The following SLC15A2 variants were observed in gnomAD, a reference collection of about 807,000 sequenced individuals.
SLC15A2 encodes solute carrier family 15 member 2, also known as kidney H(+)/peptide cotransporter.
In SLC15A2, 77 loss-of-function variants were observed where a neutral mutation model predicts 95.5. The ratio of observed to expected loss-of-function variants is 0.81; its 90% CI spans 0.67 to 0.97. The LOEUF is 0.97. SLC15A2 is among the 50% of genes least tolerant of loss of function. The probability of loss-of-function intolerance (pLI) is 0.00; values close to 1 mark genes in which losing one functional copy is unlikely to be tolerated. For missense variants in SLC15A2, 893 were observed against 874.4 expected, an observed-to-expected ratio of 1.02 and a Z score of -0.27; for synonymous variants, 306 against 306.9, an observed-to-expected ratio of 1.00 and a Z score of 0.03.
chr3:121,904,162 G>T (rs1709582036), intron 3 of SLC15A2, among the ~76,000 whole-genome samples: 1 of 152,054 alleles, frequency 6.6e-6, no homozygotes, highest in South Asian at 2.1e-4. Context: ...GTCTGTTATT[G>T]GTGTATAAGA....
intron 19 of SLC15A2, among the ~76,000 whole-genome samples, chr3:121,932,898 C>T (rs544656655): frequency 9.0e-4 from 137 of 152,256 alleles, no homozygotes; most frequent in African/African-American, 3.3e-3. Context: ...TCTCCCAGTG[C>T]TATCCCTCCC....
intron 12 of SLC15A2, 31 bp downstream of exon 12, chr3:121,924,414 T>C: frequency 6.2e-7 from 1 of 1,602,950 alleles, no homozygotes. Context: ...CATGGGGACT[T>C]ATTTGTTTCC....
At chr3:121,914,870 AAAAAAC>A in intron 5 of SLC15A2, 1 of 433,374 alleles carries the variant, frequency 2.3e-6, no homozygotes, top group Non-Finnish European at 3.1e-6. Context: ...AAAAAAAAAA[AAAAAAC>A]CACAAACACA....
chr3:121,906,853 CGAG>C (rs1018963254), intron 3 of SLC15A2, among the ~76,000 whole-genome samples: 2 of 152,044 alleles, frequency 1.3e-5, no homozygotes, highest in Admixed American at 1.3e-4. Context: ...TTGCCCTTCT[CGAG>C]GAGTATCTTT....
chr3:121,913,497 A>G (rs192294625), intron 5 of SLC15A2, among the ~76,000 whole-genome samples: 1 of 152,302 alleles, frequency 6.6e-6, no homozygotes, highest in East Asian at 1.9e-4. Flanking sequence ...TGGGTGGAAA[A>G]ACTTCAAACA....
intron 8 of SLC15A2, 144 bp downstream of exon 8, chr3:121,922,446 C>T: frequency 1.6e-6 from 1 of 644,458 alleles, no homozygotes. Flanking sequence ...TAAGATTAAC[C>T]AGTCTTCTTC....
At chr3:121,933,944 G>T (rs1388458523) in intron 19 of SLC15A2, among the ~76,000 whole-genome samples, 1 of 151,072 alleles carries the variant, frequency 6.6e-6, no homozygotes, top group Non-Finnish European at 1.5e-5. Context: ...TTTGTATAAG[G>T]TGTAAGGAAG....
At position 121,924,375 on chromosome 3, in the gene SLC15A2, C is replaced by T; in HGVS notation, c.1027C>T (p.Gln343Ter). ...NLGFFVLQPDQMQVLNPLLVL... is the reference protein window; with the variant it reads ...NLGFFVLQPD Reference sequence around the variant, plus strand: ...GGGGTTTTTTGTGCTTCAGCCGGACCAGATGCAGGTATGTGACTCTTCTAT... The same window carrying T: ...GGGGTTTTTTGTGCTTCAGCCGGACTAGATGCAGGTATGTGACTCTTCTAT... Residue 343 changes from glutamine (Q) to a stop codon, truncating the protein, a stop_gained, in exon 12 of 22, where the codon CAG becomes TAG. Coordinates refer to ENST00000489711, the MANE Select transcript of SLC15A2 (RefSeq NM_021082.4). LOFTEE classifies it high-confidence loss of function. 6.2e-7 allele frequency: 1 copy of T among 1,613,516 alleles called. No individual in the cohort carries two copies. Among genetic ancestry groups the T allele is most frequent in the Non-Finnish European group, 8.5e-7 (1 of 1,179,572 alleles).
rs1008148558 is a variant in SLC15A2, at chr3:121,928,478, G to T, written c.1264G>T (p.Ala422Ser). The T allele has an allele frequency of 6.2e-7, 1 of 1,614,002 alleles. No homozygotes were observed. The highest frequency in any genetic ancestry group is 1.3e-5 in the African/African-American group (1 of 74,932). ...QEVFLQVLNL[A>S]DDEVKVTVVG... Reference sequence around the variant, plus strand: ...GGTTTTCCTACAAGTCTTGAATCTGGCAGATGATGAGGTGAAGGTGACAGT... The same window carrying T: ...GGTTTTCCTACAAGTCTTGAATCTGTCAGATGATGAGGTGAAGGTGACAGT... Residue 422 changes from alanine (A) to serine (S), a missense_variant, in exon 15 of 22, where the codon GCA becomes TCA. Coordinates refer to ENST00000489711, the MANE Select transcript of SLC15A2 (RefSeq NM_021082.4).
chr3:121,924,296 A>ATT (rs3215371), intron 11 of SLC15A2, 55 bp from the exon 12 acceptor site: 2,505 of 1,400,944 alleles, frequency 1.8e-3, no homozygotes, highest in East Asian at 2.9e-3. Flanking sequence ...CTAGGCCAAC[A>ATT]TTTTTTTTTC....
At chr3:121,935,777 T>C (rs1360556969) in intron 19 of SLC15A2, among the ~76,000 whole-genome samples, 1 of 152,178 alleles carries the variant, frequency 6.6e-6, no homozygotes, top group Non-Finnish European at 1.5e-5. Context: ...AGTTCTGCTC[T>C]GATTTTAGTT....
At chr3:121,897,236 TG>T in intron 2 of SLC15A2, 151 bp from the exon 3 acceptor site, 1 of 797,514 alleles carries the variant, frequency 1.3e-6, no homozygotes, top group Non-Finnish European at 2.0e-6. Context: ...TTCTACTGCC[TG>T]GCAGTCACTT....
chr3:121,933,660 T>G (rs1463830355), intron 19 of SLC15A2, among the ~76,000 whole-genome samples: 1 of 151,874 alleles, frequency 6.6e-6, no homozygotes, highest in Non-Finnish European at 1.5e-5. Flanking sequence ...TTCTGGATAT[T>G]AGCCCTTTGT....
Position 121,928,507 on chromosome 3 carries a change from G to A in SLC15A2, c.1293G>A (p.Val431=), listed in dbSNP as rs766503874. ...ATGATGAGGTGAAGGTGACAGTGGT[G>A]GGAAATGAAAACAATTCTCTGTTGA... ...LADDEVKVTV[V]GNENNSLLIE... Residue 431 remains valine (V), a synonymous_variant, in exon 15 of 22, where the codon GTG becomes GTA. Coordinates refer to ENST00000489711, the MANE Select transcript of SLC15A2 (RefSeq NM_021082.4). The A allele has an allele frequency of 1.9e-6, 3 of 1,614,084 alleles. No homozygotes were observed. The highest frequency in any genetic ancestry group is 1.6e-4 in the Middle Eastern group (1 of 6,062).
In SLC15A2 at chr3:121,925,725, ACT is replaced by A. The variant is rs1559850294; in HGVS notation, c.1124+693_1124+694del. ...GTTTATTACTTAGTAAAGGGGCTAG[ACT>A]ATATATATATATATATATATATATA... is the stretch of plus-strand genomic sequence containing the variant. On this transcript the variant is annotated intron_variant, in intron 13 of 21. Coordinates refer to ENST00000489711, the MANE Select transcript of SLC15A2 (RefSeq NM_021082.4). 3.2e-3 allele frequency among the ~76,000 whole-genome samples: 182 copies of A among 56,322 alleles called. 20 individuals are homozygous for A. Among genetic ancestry groups the A allele is most frequent in the East Asian group, 5.4e-3 (8 of 1,474 alleles). 36.9% of individuals were successfully genotyped at this position (56,322 alleles called of 152,430 possible).
At chr3:121,936,781 T>A (rs2107611622) in intron 19 of SLC15A2, among the ~76,000 whole-genome samples, 1 of 147,548 alleles carries the variant, frequency 6.8e-6, no homozygotes, top group African/African-American at 2.5e-5. Flanking sequence ...GTTAATATTG[T>A]TATGTGTGAA....
chr3:121,932,128 T>C (rs1710245944), intron 19 of SLC15A2, among the ~76,000 whole-genome samples: 1 of 152,112 alleles, frequency 6.6e-6, no homozygotes, highest in Non-Finnish European at 1.5e-5. Context: ...GGTCTCAAAC[T>C]CCTGACCTCA....
intron 12 of SLC15A2, 21 bp downstream of exon 12, chr3:121,924,404 C>T: frequency 6.2e-7 from 1 of 1,608,322 alleles, no homozygotes; most frequent in Non-Finnish European, 8.5e-7. Flanking sequence ...CTTCTATAGC[C>T]ATGGGGACTT....
chr3:121,911,036 C>G (rs1268175858), intron 3 of SLC15A2, among the ~76,000 whole-genome samples: 1 of 152,182 alleles, frequency 6.6e-6, no homozygotes, highest in Non-Finnish European at 1.5e-5. Flanking sequence ...CAGGCTGAAC[C>G]TGAGAGCTTT....
Sources: gnomAD v4.1 joint callset for allele counts (sites outside exome capture counted in the v4.1 genomes callset) on GRCh38, gnomAD v4.1.1 for gene constraint, MANE v1.5 for transcripts, NCBI Gene and HGNC (gene_info 2026-07-23, HGNC 2026-07-21) for gene names.